HPGD: variants seen among roughly 807,000 people sequenced by gnomAD.
HPGD encodes the protein 15-hydroxyprostaglandin dehydrogenase [NAD(+)].
Under a neutral mutation model 30.0 loss-of-function variants are expected in HPGD, and 29 were observed. That is an observed-to-expected ratio of 0.97 (90% CI 0.72 to 1.32). The LOEUF is 1.32. Ranked by LOEUF, HPGD falls within the 40% of genes most tolerant of loss-of-function variation. The probability of loss-of-function intolerance (pLI) is 0.00; values close to 1 mark genes in which losing one functional copy is unlikely to be tolerated. For synonymous variants in HPGD, 99 were observed against 112.4 expected (o/e 0.88, Z 0.75); for missense variants, 340 against 322.1 (o/e 1.06, Z -0.43).
chr4:174,493,030 CAA>C, intron 6 of HPGD, 119 bp downstream of exon 6: 4 of 949,842 alleles, frequency 4.2e-6, no homozygotes, highest in Non-Finnish European at 6.0e-6. Context: ...TTTGCCAAAC[CAA>C]AAGTTTGAAG....
At chr4:174,514,495 A>G (rs551500824) in intron 3 of HPGD, among the ~76,000 whole-genome samples, 53 of 152,296 alleles carry the variant, frequency 3.5e-4, no homozygotes, top group African/African-American at 1.2e-3. Flanking sequence ...GGTAAAATTC[A>G]ACATCTTTTC....
At chr4:174,517,577 G>A (rs45455595) in intron 3 of HPGD, among the ~76,000 whole-genome samples, 6,158 of 152,032 alleles carry the variant, frequency 0.041, 178 homozygotes, top group Non-Finnish European at 0.062. Context: ...AAAACTTTAT[G>A]GACACTGAAA....
At chr4:174,520,547 C>T (rs976469885) in intron 2 of HPGD, among the ~76,000 whole-genome samples, 2 of 152,196 alleles carry the variant, frequency 1.3e-5, no homozygotes, top group Non-Finnish European at 2.9e-5. Context: ...ACATGCCTTC[C>T]CGGGTCACTT....
At chr4:174,511,718 C>A (rs1735504816) in intron 3 of HPGD, among the ~76,000 whole-genome samples, 1 of 152,180 alleles carries the variant, frequency 6.6e-6, no homozygotes, top group South Asian at 2.1e-4. Context: ...GCAATCTCGG[C>A]TCACTGCAAG....
chr4:174,491,759 G>T lies in HPGD; in HGVS notation c.*197C>A. On this transcript the variant is annotated 3_prime_UTR_variant, in exon 7 of 7. Transcript: ENST00000296522. ...TATCAAGATTACAACCTAGCCTTTG[G>T]TCCACATCACATTTTTAATAGTTCA... 1.8e-6 allele frequency: 1 copy of T among 558,370 alleles called. No homozygotes were observed. The highest frequency in any genetic ancestry group is 3.2e-6 in the Non-Finnish European group (1 of 311,320). 34.6% of individuals were successfully genotyped at this position (558,370 alleles called of 1,614,324 possible). A position where few individuals can be genotyped will look rare whatever the true frequency, so the allele number is the denominator to read the frequency against.
intron 4 of HPGD, among the ~76,000 whole-genome samples, chr4:174,503,719 ATTT>A (rs60031997): frequency 7.0e-6 from 1 of 142,874 alleles, no homozygotes. Context: ...GGGTTTTTTG[ATTT>A]TTTTTTTTTT....
chr4:174,504,523 G>A (rs1460696554), intron 4 of HPGD, among the ~76,000 whole-genome samples: 1 of 151,938 alleles, frequency 6.6e-6, no homozygotes, highest in Non-Finnish European at 1.5e-5. Flanking sequence ...ACAATCTGAA[G>A]CAATTAAATA....
intron 1 of HPGD, 85 bp downstream of exon 1, chr4:174,522,274 T>A: frequency 7.4e-7 from 1 of 1,348,644 alleles, no homozygotes; most frequent in Non-Finnish European, 1.0e-6. Flanking sequence ...GCGGCCTCCC[T>A]GTCTCCGCCA....
intron 3 of HPGD, among the ~76,000 whole-genome samples, chr4:174,515,828 C>A (rs1735741147): frequency 6.6e-6 from 1 of 151,896 alleles, no homozygotes; most frequent in Non-Finnish European, 1.5e-5. Flanking sequence ...AAAGAGACTT[C>A]TGTGAATACT....
intron 3 of HPGD, among the ~76,000 whole-genome samples, chr4:174,514,323 T>C (rs752699863): frequency 6.6e-6 from 1 of 152,080 alleles, no homozygotes; most frequent in Non-Finnish European, 1.5e-5. Context: ...TGTATGTATA[T>C]TTGCAATTAG....
chr4:174,498,513 T>C (rs1054763168), intron 4 of HPGD, among the ~76,000 whole-genome samples: 2 of 152,120 alleles, frequency 1.3e-5, no homozygotes, highest in African/African-American at 4.8e-5. Flanking sequence ...GCCCCTCTCC[T>C]CCCCACAGGC....
intron 3 of HPGD, among the ~76,000 whole-genome samples, chr4:174,512,772 A>T (rs1429017354): frequency 6.6e-6 from 1 of 152,202 alleles, no homozygotes; most frequent in East Asian, 1.9e-4. Flanking sequence ...GAAGCTGAAA[A>T]GTGGCCTATG....
At chr4:174,514,963 G>A (rs571585776) in intron 3 of HPGD, among the ~76,000 whole-genome samples, 1 of 152,104 alleles carries the variant, frequency 6.6e-6, no homozygotes, top group African/African-American at 2.4e-5. Flanking sequence ...TCACCAGCAA[G>A]GTGAAAGATC....
intron 3 of HPGD, among the ~76,000 whole-genome samples, chr4:174,516,020 G>A (rs1238472412): frequency 1.3e-5 from 2 of 152,096 alleles, no homozygotes; most frequent in East Asian, 1.9e-4. Context: ...GTAGAGAAAA[G>A]GGAACACTTA....
chr4:174,520,180 A>G (rs1736028493), intron 2 of HPGD, among the ~76,000 whole-genome samples: 1 of 152,046 alleles, frequency 6.6e-6, no homozygotes, highest in Non-Finnish European at 1.5e-5. Context: ...TCTCCACCGT[A>G]TTCCTTATAC....
intron 4 of HPGD, among the ~76,000 whole-genome samples, chr4:174,502,230 A>T (rs1315129239): frequency 6.6e-6 from 1 of 152,230 alleles, no homozygotes; most frequent in Non-Finnish European, 1.5e-5. Flanking sequence ...AGAAATATTT[A>T]TCTACGATTC....
intron 2 of HPGD, among the ~76,000 whole-genome samples, chr4:174,520,182 T>G (rs929808489): frequency 4.6e-5 from 7 of 152,178 alleles, no homozygotes; most frequent in Non-Finnish European, 7.3e-5. Context: ...TCCACCGTAT[T>G]CCTTATACTC....
intron 5 of HPGD, 77 bp downstream of exon 5, chr4:174,495,471 G>A (rs767347877): frequency 2.7e-6 from 3 of 1,095,798 alleles, no homozygotes; most frequent in Non-Finnish European, 2.8e-6. Flanking sequence ...TTTCTCAAGT[G>A]ATTCCTCTCT....
chr4:174,512,320 C>G lies in HPGD; in HGVS notation c.325-3528G>C, dbSNP rs45498796. 3.5e-3 allele frequency among the ~76,000 whole-genome samples: 533 copies of G among 152,110 alleles called. 3 individuals carry two copies. Among genetic ancestry groups the G allele is most frequent in the African/African-American group, 0.012 (491 of 41,486 alleles). ...CTTGAAAGAACTTGTGGTTTACTAGCATGAATAGCATGAATTATGTATATA... is the reference window on the plus strand; with the variant it reads ...CTTGAAAGAACTTGTGGTTTACTAGGATGAATAGCATGAATTATGTATATA... On this transcript the variant is annotated intron_variant, in intron 3 of 6. Transcript: ENST00000296522.
Sources: allele counts gnomAD v4.1 joint callset (sites outside exome capture counted in the v4.1 genomes callset), GRCh38; gene constraint gnomAD v4.1.1; transcripts MANE v1.5; gene names NCBI Gene and HGNC (gene_info 2026-07-23, HGNC 2026-07-21).